The following SDK1 variants were observed in gnomAD, a reference collection of about 807,000 sequenced individuals.
SDK1 encodes sidekick cell adhesion molecule 1.
SDK1 carries 157 observed loss-of-function variants against 245.5 expected under a neutral mutation model. The ratio of observed to expected loss-of-function variants is 0.64; its 90% CI spans 0.56 to 0.73. The LOEUF is 0.73. Among genes scored for constraint, SDK1 ranks in the 30% least tolerant of loss-of-function variants. The pLI, the probability that SDK1 is intolerant of heterozygous loss-of-function variation, is 0.00. For synonymous variants in SDK1, 1,647 were observed against 1,278.5 expected, an observed-to-expected ratio of 1.29 and a Z score of -6.15; for missense variants, 3,583 against 3,002.3, an observed-to-expected ratio of 1.19 and a Z score of -4.52.
intron 22 of SDK1, among the ~76,000 whole-genome samples, chr7:4,087,498 C>T (rs1389386129): frequency 6.6e-6 from 1 of 151,678 alleles, no homozygotes; most frequent in South Asian, 2.1e-4. Flanking sequence ...CACACACACA[C>T]GCATTGCTTG....
chr7:3,669,686 C>T (rs1248089545), intron 4 of SDK1, among the ~76,000 whole-genome samples: 4 of 152,144 alleles, frequency 2.6e-5, no homozygotes, highest in African/African-American at 9.7e-5. Flanking sequence ...TAAGTTCATC[C>T]AAGCTCATCA....
rs184665966 is a variant in SDK1, at chr7:3,883,444, C to T, written c.847+61861C>T. On this transcript the variant is annotated intron_variant, in intron 5 of 44. Transcript: ENST00000404826. ...GCACATGAATCCAGCTGTGTGTGTG[C>T]ACATGCAGGTGTGTGTATGTGTGCG... Among the ~76,000 whole-genome samples, 8 of 152,264 alleles carry T rather than the reference C, an allele frequency of 5.3e-5. No homozygotes were observed. In the South Asian group the frequency reaches 8.3e-4, roughly 16 times the overall value.
intron 5 of SDK1, among the ~76,000 whole-genome samples, chr7:3,933,169 G>C (rs1780041816): frequency 7.2e-6 from 1 of 138,580 alleles, no homozygotes; most frequent in Non-Finnish European, 1.5e-5. Context: ...GGAGTACAGT[G>C]GCTTGATCAT....
intron 1 of SDK1, among the ~76,000 whole-genome samples, chr7:3,514,977 T>G (rs1250878692): frequency 2.6e-5 from 4 of 152,200 alleles, no homozygotes; most frequent in Non-Finnish European, 5.9e-5. Context: ...CTTGGGCCCT[T>G]TTCTCTGCTG....
At chr7:3,978,540 C>G (rs1201360048) in intron 13 of SDK1, among the ~76,000 whole-genome samples, 3 of 152,160 alleles carry the variant, frequency 2.0e-5, no homozygotes, top group Non-Finnish European at 4.4e-5. Flanking sequence ...TTGTTAGTGT[C>G]ACGAAGGCTC....
chr7:4,217,354 G>A (rs1454009927), intron 38 of SDK1, among the ~76,000 whole-genome samples: 2 of 133,512 alleles, frequency 1.5e-5, no homozygotes, highest in Non-Finnish European at 3.2e-5. Context: ...GCCACCCGGA[G>A]AACCAGGCCA....
At chr7:3,776,991 G>T (rs1021004671) in intron 4 of SDK1, among the ~76,000 whole-genome samples, 3 of 152,132 alleles carry the variant, frequency 2.0e-5, no homozygotes, top group Admixed American at 6.5e-5. Context: ...ACACACACTT[G>T]CTCACGTTCA....
chr7:3,453,347 T>C (rs1780577369), intron 1 of SDK1, among the ~76,000 whole-genome samples: 1 of 152,216 alleles, frequency 6.6e-6, no homozygotes, highest in Non-Finnish European at 1.5e-5. Context: ...AATAATGTTA[T>C]TCCTCACATT....
intron 22 of SDK1, among the ~76,000 whole-genome samples, chr7:4,089,948 G>A (rs1165141263): frequency 6.6e-6 from 1 of 152,140 alleles, no homozygotes; most frequent in Non-Finnish European, 1.5e-5. Context: ...TGACTTCTGT[G>A]ACCTTGACAA....
At chr7:3,568,800 C>T (rs192793482) in intron 1 of SDK1, among the ~76,000 whole-genome samples, 94 of 152,266 alleles carry the variant, frequency 6.2e-4, no homozygotes, top group Admixed American at 1.2e-3. Context: ...ATCTGATCAC[C>T]GGATCCCTTC....
At chr7:3,547,783 G>A (rs1444771222) in intron 1 of SDK1, among the ~76,000 whole-genome samples, 3 of 152,148 alleles carry the variant, frequency 2.0e-5, no homozygotes, top group Non-Finnish European at 2.9e-5. Context: ...GTTGAGATGT[G>A]TGCACACTTC....
chr7:4,200,839 A>C (rs1018124444), intron 35 of SDK1, among the ~76,000 whole-genome samples: 2 of 152,268 alleles, frequency 1.3e-5, no homozygotes, highest in African/African-American at 4.8e-5. Flanking sequence ...GGATCTGCAA[A>C]CAGCTCAGGG....
chr7:3,452,060 G>A (rs141718563), intron 1 of SDK1, among the ~76,000 whole-genome samples: 145 of 152,282 alleles, frequency 9.5e-4, no homozygotes, highest in Admixed American at 1.4e-3. Flanking sequence ...AACTAAATTT[G>A]TATTGAGTTA....
chr7:3,892,270 A>G (rs1352822520), intron 5 of SDK1, among the ~76,000 whole-genome samples: 1 of 152,118 alleles, frequency 6.6e-6, no homozygotes, highest in East Asian at 1.9e-4. Context: ...ACAAACACTT[A>G]TTTTTCACTT....
At chr7:3,379,135 T>C (rs972417570) in intron 1 of SDK1, among the ~76,000 whole-genome samples, 2 of 152,222 alleles carry the variant, frequency 1.3e-5, no homozygotes, top group Admixed American at 6.5e-5. Flanking sequence ...TTTGCCATCA[T>C]TGGTCCCGTC....
chr7:4,056,703 T>A (rs1779224668), intron 19 of SDK1, among the ~76,000 whole-genome samples: 1 of 152,102 alleles, frequency 6.6e-6, no homozygotes, highest in Non-Finnish European at 1.5e-5. Context: ...TGTGATGTCC[T>A]GCTCCAGAGA....
chr7:3,543,392 T>C (rs112158248), intron 1 of SDK1, among the ~76,000 whole-genome samples: 396 of 152,338 alleles, frequency 2.6e-3, no homozygotes, highest in African/African-American at 9.1e-3. Flanking sequence ...TCTGACCCCA[T>C]AGGGGAGCCA....
At chr7:3,906,149 T>A (rs184537233) in intron 5 of SDK1, among the ~76,000 whole-genome samples, 2 of 152,332 alleles carry the variant, frequency 1.3e-5, no homozygotes, top group Non-Finnish European at 2.9e-5. Flanking sequence ...CTGATGTTTG[T>A]CCTCACCTTT....
At chr7:4,055,581 G>A (rs1252765667) in intron 19 of SDK1, among the ~76,000 whole-genome samples, 1 of 151,818 alleles carries the variant, frequency 6.6e-6, no homozygotes, top group East Asian at 1.9e-4. Context: ...TTTAGAACCA[G>A]CCTCTTGTTC....
Sources: gnomAD v4.1 joint callset for allele counts (sites outside exome capture counted in the v4.1 genomes callset) on GRCh38, gnomAD v4.1.1 for gene constraint, MANE v1.5 for transcripts, NCBI Gene and HGNC (gene_info 2026-07-23, HGNC 2026-07-21) for gene names.